NF1: variants seen among roughly 807,000 people sequenced by gnomAD.
NF1 encodes neurofibromin.
NF1 carries 122 observed loss-of-function variants against 325.7 expected under a neutral mutation model. That is an observed-to-expected ratio of 0.37 (90% confidence interval 0.32 to 0.44). The LOEUF (loss-of-function observed/expected upper bound fraction) is 0.44, where lower values mean the gene tolerates loss of function less well. NF1 is among the 20% of genes least tolerant of loss of function. The pLI is 1.00. For synonymous variants in NF1, 1,091 were observed against 1,186.0 expected, an observed-to-expected ratio of 0.92 and a Z score of 1.65; for missense variants, 2,140 against 3,415.4, an observed-to-expected ratio of 0.63 and a Z score of 9.31.
rs1567845046 is a variant in NF1 at position 31,221,878 on chromosome 17, G to A, written c.1670G>A (p.Ser557Asn). 2.5e-6 allele frequency: 4 copies of A among 1,606,614 alleles called. No individual in the cohort carries two copies. Among genetic ancestry groups the A allele is most frequent in the Non-Finnish European group, 3.4e-6 (4 of 1,178,960 alleles). Residue 557 changes from serine to asparagine, a missense_variant, in exon 15 of 58, where the codon AGC becomes AAC. Physicochemically the swap from Ser to Asn is conservative, Grantham distance 46 (BLOSUM62 1). Around this residue, in one of 10 missense-constraint regions of NF1, gnomAD observed 179 missense variants for 381.0 expected, o/e 0.47. Coordinates refer to ENST00000358273, the MANE Select transcript of NF1 (RefSeq NM_001042492.3). ...CTGCTGGTTCTTCATCAGTTAGATA[G>A]CATTGATTTGTGGAATCCTGATGCT... ...EALLVLHQLD[S>N]IDLWNPDAPV...
intron 33 of NF1, among the ~76,000 whole-genome samples, chr17:31,259,881 T>C (rs924780102): frequency 6.6e-6 from 1 of 152,186 alleles, no homozygotes; most frequent in Non-Finnish European, 1.5e-5. Flanking sequence ...GTTACTGACT[T>C]TTTTTCTGTT....
Position 31,265,336 on chromosome 17 carries a change from G to A in NF1, c.4832G>A (p.Arg1611Gln), listed in dbSNP as rs876659197. Residue 1611 changes from arginine (R) to glutamine (Q), a missense_variant, in exon 36 of 58, where the codon CGG becomes CAG. Transcript: ENST00000358273. ...AATCCTATTTTTTATTATGTTGCAC[G>A]GAGGTAAGAAATACTATGTTTTGGG... ...AGNPIFYYVA[R>Q]RFKTGQINGD... is the part of the protein sequence containing the mutation. 4 of 1,605,776 alleles carry A rather than the reference G, an allele frequency of 2.5e-6. No individual in the cohort carries two copies. Among genetic ancestry groups the A allele is most frequent in the Non-Finnish European group, 2.6e-6 (3 of 1,173,000 alleles).
chr17:31,183,329 T>G lies in NF1; in HGVS notation c.888+664T>G, dbSNP rs139513375. On this transcript the variant is annotated intron_variant, in intron 8 of 57. Transcript: ENST00000358273. ...TTTTGCTGCTTTTGGAGAAATACTC[T>G]TAGCTGGCTGAACATGAGATGGTTT... 89 of 153,296 alleles carry G rather than the reference T, an allele frequency of 5.8e-4. No individual in the cohort carries two copies. The highest frequency in any genetic ancestry group is 3.4e-3 in the Middle Eastern group (1 of 296). 9.5% of individuals were successfully genotyped at this position (153,296 alleles called of 1,614,324 possible). A position where few individuals can be genotyped will look rare whatever the true frequency, so the allele number is the denominator to read the frequency against.
intron 36 of NF1, among the ~76,000 whole-genome samples, chr17:31,287,070 C>T (rs1360035797): frequency 3.9e-5 from 6 of 152,160 alleles, no homozygotes; most frequent in Non-Finnish European, 8.8e-5. Context: ...AATGTTCAGA[C>T]ATCTAATTTT....
rs189096655 is a variant in NF1 at position 31,124,387 on chromosome 17, A to G, written c.60+29018A>G. ...GCCTTGCAGCTTGCTTTTTAAACCT[A>G]TTCTAAGACTTGCTCCCTATTTATA... On this transcript the variant is annotated intron_variant, in intron 1 of 57. Coordinates refer to ENST00000358273, the MANE Select transcript of NF1 (RefSeq NM_001042492.3). Among the ~76,000 whole-genome samples, 7 of 151,798 alleles carry G rather than the reference A, an allele frequency of 4.6e-5. No individual in the cohort carries two copies. The East Asian group carries it at 5.8e-4, about 13-fold the overall frequency.
Position 31,244,338 on chromosome 17 carries a change from C to T in NF1, c.3975-4646C>T, listed in dbSNP as rs144339751. Reference sequence around the variant, plus strand: ...GTTGCCCTGGCTGTCTCACTAGGTCCACCCCAAGTCCACTGGCTCTGAGCC... The same window carrying T: ...GTTGCCCTGGCTGTCTCACTAGGTCTACCCCAAGTCCACTGGCTCTGAGCC... On this transcript the variant is annotated intron_variant, in intron 29 of 57. Transcript: ENST00000358273. 1.1e-3 allele frequency among the ~76,000 whole-genome samples: 168 copies of T among 152,234 alleles called. 1 individual carries two copies. Among genetic ancestry groups the T allele is most frequent in the African/African-American group, 3.7e-3 (152 of 41,546 alleles).
At chr17:31,192,301 A>C (rs1480422753) in intron 8 of NF1, among the ~76,000 whole-genome samples, 3 of 152,212 alleles carry the variant, frequency 2.0e-5, no homozygotes, top group African/African-American at 7.2e-5. Context: ...TGGTTGGGGT[A>C]CAGCTTGGTT....
intron 2 of NF1, 36 bp downstream of exon 2, chr17:31,156,162 C>T (rs776807894): frequency 1.2e-6 from 2 of 1,609,976 alleles, no homozygotes; most frequent in Non-Finnish European, 1.7e-6. Flanking sequence ...GGGGAATTTG[C>T]TTTCTTTTCT....
rs533325446 is a variant in NF1 at position 31,279,172 on chromosome 17, A to T, written c.4835+13833A>T. On this transcript the variant is annotated intron_variant, in intron 36 of 57. Coordinates refer to ENST00000358273, the MANE Select transcript of NF1 (RefSeq NM_001042492.3). ...TGAGGCAAGTAGATCGCCTGACCCC[A>T]GGAGTTCAAGGTTGCAGTGAGCTAT... Among the ~76,000 whole-genome samples the T allele has an allele frequency of 4.3e-4, 65 of 152,260 alleles. 1 individual carries two copies. In the South Asian group the frequency reaches 0.013, roughly 30 times the overall value.
rs1180231978 is a variant in NF1, at chr17:31,095,241, C to T, written c.-69C>T. ...TCTTCCCTCACCTCAGCCTCCGCTC[C>T]CCGCCCTCTTCCCGGCCCAGGGCGC... On this transcript the variant is annotated 5_prime_UTR_variant, in exon 1 of 58. Coordinates refer to ENST00000358273, the MANE Select transcript of NF1 (RefSeq NM_001042492.3). 36 of 1,451,898 alleles carry T rather than the reference C, an allele frequency of 2.5e-5. No individual in the cohort carries two copies. Among genetic ancestry groups the T allele is most frequent in the Non-Finnish European group, 3.4e-5 (36 of 1,071,920 alleles). 89.9% of individuals were successfully genotyped at this position (1,451,898 alleles called of 1,614,324 possible).
chr17:31,294,567 C>T (rs2068420281), intron 36 of NF1: 1 of 177,550 alleles, frequency 5.6e-6, no homozygotes, highest in Non-Finnish European at 1.2e-5. Flanking sequence ...AAAGATTTTA[C>T]CAAGGTACCC....
intron 36 of NF1, among the ~76,000 whole-genome samples, chr17:31,276,433 C>T (rs1217507210): frequency 1.3e-5 from 2 of 152,078 alleles, no homozygotes; most frequent in African/African-American, 4.8e-5. Context: ...AAGATTTCTT[C>T]ATTTGTACAA....
intron 36 of NF1, 42 bp downstream of exon 36, chr17:31,265,381 A>T (rs1362450091): frequency 7.2e-7 from 1 of 1,380,948 alleles, no homozygotes; most frequent in Admixed American, 1.7e-5. Context: ...AGAATTTTTT[A>T]AATTATAGCA....
At chr17:31,230,729 A>T in intron 23 of NF1, 113 bp from the exon 24 acceptor site, 1 of 848,386 alleles carries the variant, frequency 1.2e-6, no homozygotes, top group Non-Finnish European at 2.0e-6. Context: ...TCGTCATGTC[A>T]CTTAGGTTAT....
At chr17:31,280,681 G>T (rs1028316976) in intron 36 of NF1, among the ~76,000 whole-genome samples, 1 of 151,920 alleles carries the variant, frequency 6.6e-6, no homozygotes, top group Admixed American at 6.6e-5. Context: ...ATTTGTCACC[G>T]GTATTTTACC....
At chr17:31,181,639 A>G (rs1228501282) in intron 6 of NF1, 71 bp from the exon 7 acceptor site, 1 of 1,309,160 alleles carries the variant, frequency 7.6e-7, no homozygotes, top group African/African-American at 1.4e-5. Flanking sequence ...GAAGGAAGTT[A>G]GAAGTTTGTG....
chr17:31,349,097 G>GT (rs1463197127), intron 48 of NF1, 23 bp from the exon 49 acceptor site: 1 of 1,555,416 alleles, frequency 6.4e-7, no homozygotes, highest in East Asian at 2.4e-5. Context: ...TTGTTTGTTT[G>GT]TTTGTTTGTT....
At chr17:31,095,596 G>A (rs1465524339) in intron 1 of NF1, 2 of 569,362 alleles carry the variant, frequency 3.5e-6, no homozygotes, top group Non-Finnish European at 6.2e-6. Context: ...CCTAAGTCGG[G>A]GGGTGGGGCC....
chr17:31,368,814 A>G (rs1221289349), intron 57 of NF1, among the ~76,000 whole-genome samples: 1 of 152,236 alleles, frequency 6.6e-6, no homozygotes. Context: ...CAGATTAAGA[A>G]TTACAACTAA....
Sources: allele counts gnomAD v4.1 joint callset (sites outside exome capture counted in the v4.1 genomes callset), GRCh38; gene constraint gnomAD v4.1.1; regional missense constraint gnomAD v4.1.1; transcripts MANE v1.5; gene names NCBI Gene and HGNC (gene_info 2026-07-23, HGNC 2026-07-21).